Variants in GALNT18 observed in about 807,000 individuals in gnomAD.
The protein encoded by GALNT18 is GalNAc-transferase 18.
Under a neutral mutation model 69.5 loss-of-function variants are expected in GALNT18, and 44 were observed. The observed-to-expected ratio is 0.63, with a 90% CI of 0.50 to 0.81. The LOEUF (loss-of-function observed/expected upper bound fraction) is 0.81. GALNT18 is among the 40% of genes least tolerant of loss of function. GALNT18 has a pLI of 0.00. For missense variants in GALNT18, 715 were observed against 810.0 expected (o/e 0.88, Z 1.42); for synonymous variants, 364 against 318.2 (o/e 1.14, Z -1.53).
chr11:11,593,506 G>C (rs180769975), intron 1 of GALNT18, among the ~76,000 whole-genome samples: 2 of 152,224 alleles, frequency 1.3e-5, no homozygotes, highest in East Asian at 1.9e-4. Context: ...TATAAGATGC[G>C]TGAGGAACTT....
At chr11:11,329,220 G>A (rs1355145783) in intron 8 of GALNT18, among the ~76,000 whole-genome samples, 10 of 152,338 alleles carry the variant, frequency 6.6e-5, no homozygotes, top group South Asian at 2.1e-4. Context: ...AATAACAAAT[G>A]TTGCAATAAT....
At chr11:11,458,493 T>C (rs1370287091) in intron 1 of GALNT18, among the ~76,000 whole-genome samples, 1 of 152,228 alleles carries the variant, frequency 6.6e-6, no homozygotes, top group African/African-American at 2.4e-5. Flanking sequence ...TTCAGAAATG[T>C]ACATTTCTCT....
At chr11:11,529,394 T>G (rs1488127342) in intron 1 of GALNT18, among the ~76,000 whole-genome samples, 1 of 152,196 alleles carries the variant, frequency 6.6e-6, no homozygotes, top group East Asian at 1.9e-4. Flanking sequence ...CTGTTTGGGC[T>G]GGAACACTGG....
At chr11:11,477,111 G>C (rs1856418290) in intron 1 of GALNT18, among the ~76,000 whole-genome samples, 1 of 152,212 alleles carries the variant, frequency 6.6e-6, no homozygotes, top group African/African-American at 2.4e-5. Flanking sequence ...ACAGGCATCT[G>C]TGCCTGACTC....
At chr11:11,517,887 G>T (rs1303843568) in intron 1 of GALNT18, among the ~76,000 whole-genome samples, 2 of 152,156 alleles carry the variant, frequency 1.3e-5, no homozygotes, top group African/African-American at 4.8e-5. Context: ...CCTGAGAAAA[G>T]AAATCTGCAA....
chr11:11,366,823 G>C (rs1161957382), intron 6 of GALNT18, among the ~76,000 whole-genome samples: 1 of 152,142 alleles, frequency 6.6e-6, no homozygotes, highest in Non-Finnish European at 1.5e-5. Flanking sequence ...CTGTAGAATA[G>C]CTATTGGTAT....
Position 11,470,081 on chromosome 11 carries a change from G to A in GALNT18, c.236-21145C>T, listed in dbSNP as rs1000679689. 1.3e-5 allele frequency among the ~76,000 whole-genome samples: 2 copies of A among 152,178 alleles called. No individual in the cohort carries two copies. The highest frequency in any genetic ancestry group is 2.4e-5 in the African/African-American group (1 of 41,442). On this transcript the variant is annotated intron_variant, in intron 1 of 10. Coordinates refer to ENST00000227756, the MANE Select transcript of GALNT18 (RefSeq NM_198516.3). The surrounding 1 kb of genome is among the most constrained non-coding windows in gnomAD (Gnocchi z 4.8). ...TGCTTCTGCCTCTCAGGTTACTTTT[G>A]CCAATTGACAGGGACACTTGGATGA...
intron 1 of GALNT18, among the ~76,000 whole-genome samples, chr11:11,567,830 AAAC>A (rs1858689738): frequency 6.6e-6 from 1 of 152,240 alleles, no homozygotes; most frequent in Admixed American, 6.5e-5. Context: ...CTAGGGAGAT[AAAC>A]ATCCTATATA....
At position 11,523,700 on chromosome 11, in the gene GALNT18, C is replaced by T. The variant is rs1425904633; in HGVS notation, c.236-74764G>A. Among the ~76,000 whole-genome samples, 2 of 149,090 alleles carry T rather than the reference C, an allele frequency of 1.3e-5. No homozygotes were observed. The highest frequency in any genetic ancestry group is 3.0e-5 in the Non-Finnish European group (2 of 67,546). ...CACCACTGCACTCCAGCCTGGGCAA[C>T]AGAGCGAGACTCCATCTCAAAAAAA... On this transcript the variant is annotated intron_variant, in intron 1 of 10. Transcript: ENST00000227756. This position sits in a 1 kb window ranked among gnomAD's most constrained non-coding sequence, Gnocchi z 4.3.
intron 10 of GALNT18, among the ~76,000 whole-genome samples, chr11:11,289,418 C>G (rs79605771): frequency 6.6e-6 from 1 of 152,106 alleles, no homozygotes; most frequent in South Asian, 2.1e-4. Flanking sequence ...GCCCAGTCAC[C>G]GAAGAGCCTT....
At chr11:11,544,916 G>A (rs1016541448) in intron 1 of GALNT18, among the ~76,000 whole-genome samples, 4 of 152,140 alleles carry the variant, frequency 2.6e-5, no homozygotes, top group African/African-American at 7.2e-5. Flanking sequence ...ACTTGTAAGG[G>A]GCACAGTTGG....
intron 10 of GALNT18, among the ~76,000 whole-genome samples, chr11:11,274,782 T>C (rs964624055): frequency 6.6e-6 from 1 of 152,208 alleles, no homozygotes; most frequent in Non-Finnish European, 1.5e-5. Flanking sequence ...CTCCCACTTA[T>C]GAGTGAGAAC....
At chr11:11,503,433 G>T (rs573269902) in intron 1 of GALNT18, among the ~76,000 whole-genome samples, 21 of 152,182 alleles carry the variant, frequency 1.4e-4, no homozygotes, top group Non-Finnish European at 2.8e-4. Flanking sequence ...AGTCTAATCA[G>T]GTGCCCACCT....
intron 1 of GALNT18, chr11:11,476,045 G>A (rs1012210242): frequency 3.3e-5 from 5 of 152,164 alleles, no homozygotes; most frequent in African/African-American, 9.7e-5. Flanking sequence ...TGGACATGGC[G>A]AACGTGAAAT....
At chr11:11,333,740 G>A (rs1850059212) in intron 7 of GALNT18, among the ~76,000 whole-genome samples, 1 of 152,152 alleles carries the variant, frequency 6.6e-6, no homozygotes, top group Non-Finnish European at 1.5e-5. Context: ...GGGAGCAGAA[G>A]TGACACATGA....
At chr11:11,307,752 C>T (rs1313041646) in intron 9 of GALNT18, among the ~76,000 whole-genome samples, 2 of 152,194 alleles carry the variant, frequency 1.3e-5, no homozygotes, top group Admixed American at 6.5e-5. Context: ...CCTTGACCCC[C>T]CCAAGGTCAC....
At position 11,459,735 on chromosome 11, in the gene GALNT18, C is replaced by T. The variant is rs1180690846; in HGVS notation, c.236-10799G>A. Among the ~76,000 whole-genome samples, 1 of 152,226 alleles carries T rather than the reference C, an allele frequency of 6.6e-6. No homozygotes were observed. Among genetic ancestry groups the T allele is most frequent in the Non-Finnish European group, 1.5e-5 (1 of 68,040 alleles). Reference sequence around the variant, plus strand: ...GGACACCCCGAAAGTGCTTAGCAAACCATCAGATAGGTGGTAAAGTGTATT... The same window carrying T: ...GGACACCCCGAAAGTGCTTAGCAAATCATCAGATAGGTGGTAAAGTGTATT... On this transcript the variant is annotated intron_variant, in intron 1 of 10. Coordinates refer to ENST00000227756, the MANE Select transcript of GALNT18 (RefSeq NM_198516.3). This position sits in a 1 kb window ranked among gnomAD's most constrained non-coding sequence, Gnocchi z 5.0.
chr11:11,517,293 T>C (rs1162636648), intron 1 of GALNT18, among the ~76,000 whole-genome samples: 1 of 152,248 alleles, frequency 6.6e-6, no homozygotes, highest in Non-Finnish European at 1.5e-5. Flanking sequence ...ACCATTATAC[T>C]GCAAAGGCAA....
At chr11:11,395,391 C>T (rs1450489838) in intron 3 of GALNT18, among the ~76,000 whole-genome samples, 2 of 152,148 alleles carry the variant, frequency 1.3e-5, no homozygotes, top group African/African-American at 2.4e-5. Context: ...GCCTGTGCTT[C>T]GTCTGCATCA....
Sources: allele counts gnomAD v4.1 joint callset (sites outside exome capture counted in the v4.1 genomes callset), GRCh38; gene constraint gnomAD v4.1.1; non-coding constraint Gnocchi (gnomAD v3.1); transcripts MANE v1.5; gene names NCBI Gene and HGNC (gene_info 2026-07-23, HGNC 2026-07-21).